NDST3: variants seen among roughly 807,000 people sequenced by gnomAD.
NDST3 encodes the protein N-deacetylase and N-sulfotransferase 3.
A neutral mutation model predicts 96.1 loss-of-function variants in NDST3; 58 were observed. The observed-to-expected ratio is 0.60, with a 90% CI of 0.49 to 0.75. The LOEUF (loss-of-function observed/expected upper bound fraction) is 0.75. Ranked by LOEUF, NDST3 falls within the 30% of genes least tolerant of loss-of-function variation. The pLI, the probability that NDST3 is intolerant of heterozygous loss-of-function variation, is 0.00. For missense variants in NDST3, 788 were observed against 1,034.2 expected (o/e 0.76, Z 3.27); for synonymous variants, 333 against 359.7 (o/e 0.93, Z 0.84).
intron 6 of NDST3, among the ~76,000 whole-genome samples, chr4:118,197,362 GT>G (rs1737764377): frequency 9.2e-6 from 1 of 108,136 alleles, no homozygotes; most frequent in Non-Finnish European, 2.1e-5. Context: ...ATGTTTCTTT[GT>G]TGATTTTCTG....
At chr4:118,193,039 G>A (rs1737415257) in intron 6 of NDST3, among the ~76,000 whole-genome samples, 1 of 152,226 alleles carries the variant, frequency 6.6e-6, no homozygotes, top group Admixed American at 6.5e-5. Flanking sequence ...CAGCTGCCCA[G>A]GAGTCTCCTT....
intron 6 of NDST3, among the ~76,000 whole-genome samples, chr4:118,151,488 A>T (rs1428490299): frequency 1.3e-5 from 2 of 152,116 alleles, no homozygotes; most frequent in Admixed American, 1.3e-4. Flanking sequence ...ACTGCCTGAG[A>T]TGCTTGAATT....
chr4:118,185,560 A>T (rs1736898392), intron 6 of NDST3, among the ~76,000 whole-genome samples: 1 of 152,072 alleles, frequency 6.6e-6, no homozygotes, highest in South Asian at 2.1e-4. Context: ...AGTTTAATTG[A>T]GCAAAGAACA....
intron 3 of NDST3, among the ~76,000 whole-genome samples, chr4:118,113,700 T>C (rs369048665): frequency 5.9e-5 from 9 of 152,138 alleles, no homozygotes; most frequent in African/African-American, 2.2e-4. Context: ...AGGGCTCTAA[T>C]AAAACAAATC....
intron 2 of NDST3, among the ~76,000 whole-genome samples, chr4:118,076,899 C>T (rs145176424): frequency 9.0e-4 from 137 of 152,246 alleles, no homozygotes; most frequent in African/African-American, 3.1e-3. Flanking sequence ...TTTGTGCACT[C>T]GTTCTTTCTC....
Position 118,138,083 on chromosome 4 carries a change from C to T in NDST3, c.1254C>T (p.Tyr418=), listed in dbSNP as rs770638203. Residue 418 remains tyrosine (Y), a synonymous_variant, in exon 5 of 14, where the codon TAC becomes TAT. Transcript: ENST00000296499. ...ACGGCATTCCAACGGACATGGGCTA[C>T]GCTGTGGCCCCTCACCATTCGGGCG... ...LEHGIPTDMG[Y]AVAPHHSGVY... 29 of 1,612,586 alleles carry T rather than the reference C, an allele frequency of 1.8e-5. No individual in the cohort carries two copies. The highest frequency in any genetic ancestry group is 5.5e-5 in the South Asian group (5 of 90,876).
At chr4:118,065,257 T>C (rs1726215971) in intron 2 of NDST3, among the ~76,000 whole-genome samples, 1 of 152,164 alleles carries the variant, frequency 6.6e-6, no homozygotes, top group African/African-American at 2.4e-5. Context: ...GCTACTCTAC[T>C]ACTGTTTTCC....
rs1452865317 is a variant in NDST3, at chr4:118,247,840, A to T, written c.2400-5659A>T. On this transcript the variant is annotated intron_variant, in intron 12 of 13. Transcript: ENST00000296499. ...TGTTTGCCAAAAGAGAACTGATTTT[A>T]AAAAACTGCAATGCCTATCCTATAT... Among the ~76,000 whole-genome samples, 5 of 152,350 alleles carry T rather than the reference A, an allele frequency of 3.3e-5. No homozygotes were observed. The East Asian group carries it at 7.7e-4, about 24-fold the overall frequency.
At chr4:118,100,792 A>G (rs1016567493) in intron 2 of NDST3, among the ~76,000 whole-genome samples, 1 of 152,178 alleles carries the variant, frequency 6.6e-6, no homozygotes, top group Non-Finnish European at 1.5e-5. Context: ...CACTTAAACT[A>G]TGTAAATCAT....
At chr4:118,235,478 A>G (rs532175870) in intron 9 of NDST3, among the ~76,000 whole-genome samples, 1 of 152,300 alleles carries the variant, frequency 6.6e-6, no homozygotes, top group East Asian at 1.9e-4. Context: ...TTATAGGTCC[A>G]AGATCCAGAC....
rs1416691550 is a variant in NDST3, at chr4:118,256,270, A to C, written c.*558A>C. The stretch of plus-strand genomic sequence containing the variant: ...TAAATTATAATTTGTGCTAGATCAG[A>C]GTGGAAAAGTTATATATGAGTGTTA... On this transcript the variant is annotated 3_prime_UTR_variant, in exon 14 of 14. Transcript: ENST00000296499. 1 of 152,202 alleles carries C rather than the reference A, an allele frequency of 6.6e-6. No individual in the cohort carries two copies. Among genetic ancestry groups the C allele is most frequent in the Non-Finnish European group, 1.5e-5 (1 of 68,034 alleles). 9.4% of individuals were successfully genotyped at this position (152,202 alleles called of 1,614,324 possible).
At chr4:118,250,645 C>T (rs546103438) in intron 12 of NDST3, among the ~76,000 whole-genome samples, 9 of 152,084 alleles carry the variant, frequency 5.9e-5, no homozygotes, top group East Asian at 1.9e-4. Flanking sequence ...GCACCATGCC[C>T]GGCTAATTTT....
intron 2 of NDST3, among the ~76,000 whole-genome samples, chr4:118,063,274 A>G (rs1212454713): frequency 6.6e-6 from 1 of 150,632 alleles, no homozygotes; most frequent in Non-Finnish European, 1.5e-5. Flanking sequence ...CCAAAGCTCA[A>G]CCAGACAATG....
intron 1 of NDST3, among the ~76,000 whole-genome samples, chr4:118,043,163 A>G (rs557114875): frequency 4.6e-5 from 7 of 151,478 alleles, no homozygotes; most frequent in Middle Eastern, 3.4e-3. Context: ...TATCTACCAT[A>G]GATATTATGA....
At chr4:118,253,329 T>C (rs1036675377) in intron 12 of NDST3, among the ~76,000 whole-genome samples, 170 bp from the exon 13 acceptor site, 5 of 152,202 alleles carry the variant, frequency 3.3e-5, no homozygotes, top group Non-Finnish European at 7.3e-5. Flanking sequence ...CAAAAGACTT[T>C]ATGCAAAGGA....
intron 6 of NDST3, among the ~76,000 whole-genome samples, chr4:118,211,957 G>A (rs976957868): frequency 2.0e-5 from 3 of 152,092 alleles, no homozygotes; most frequent in African/African-American, 4.8e-5. Context: ...AGAAGGCAAC[G>A]ACTCAAAGCC....
chr4:118,255,576 T>A lies in NDST3; in HGVS notation c.2503-17T>A. The A allele has an allele frequency of 6.3e-7, 1 of 1,594,340 alleles. No individual in the cohort carries two copies. The highest frequency in any genetic ancestry group is 8.5e-7 in the Non-Finnish European group (1 of 1,170,294). ...AAACAAAATAAAATGTACTTTTCTCTCCTCCTCTCCACTTAGAGCAGGACA... is the reference window on the plus strand; with the variant it reads ...AAACAAAATAAAATGTACTTTTCTCACCTCCTCTCCACTTAGAGCAGGACA... On this transcript the variant is annotated splice_polypyrimidine_tract_variant and intron_variant, in intron 13 of 13. Transcript: ENST00000296499.
chr4:118,083,893 C>G (rs6534082), intron 2 of NDST3, among the ~76,000 whole-genome samples: 114,450 of 152,002 alleles, frequency 0.75, 45,746 homozygotes, highest in South Asian at 0.92. Context: ...TTATTTTCCT[C>G]AACAATCTTT....
rs371884360 is a variant in NDST3 at position 118,079,665 on chromosome 4, T to C, written c.981+24774T>C. The stretch of plus-strand genomic sequence containing the variant: ...CTATTCTGATTTCAGGGAGCAGCCA[T>C]TGGATATCTTTGGCAAGGGAATAAT... On this transcript the variant is annotated intron_variant, in intron 2 of 13. Coordinates refer to ENST00000296499, the MANE Select transcript of NDST3 (RefSeq NM_004784.3). Among the ~76,000 whole-genome samples, 7 of 152,202 alleles carry C rather than the reference T, an allele frequency of 4.6e-5. No individual in the cohort carries two copies. The South Asian group carries it at 6.2e-4, about 14-fold the overall frequency.
Sources: gnomAD v4.1 joint callset for allele counts (sites outside exome capture counted in the v4.1 genomes callset) on GRCh38, gnomAD v4.1.1 for gene constraint, MANE v1.5 for transcripts, NCBI Gene and HGNC (gene_info 2026-07-23, HGNC 2026-07-21) for gene names.